Variants in ANTXR2 observed in about 807,000 individuals in gnomAD.
The protein encoded by ANTXR2 is anthrax toxin receptor 2.
Under a neutral mutation model 73.7 loss-of-function variants are expected in ANTXR2, and 44 were observed. The ratio of observed to expected loss-of-function variants is 0.60; its 90% CI spans 0.47 to 0.77. ANTXR2 has a LOEUF of 0.77. ANTXR2 is among the 30% of genes least tolerant of loss of function. The pLI, the probability that ANTXR2 is intolerant of heterozygous loss-of-function variation, is 0.00. For synonymous variants in ANTXR2, 217 were observed against 205.9 expected (o/e 1.05, Z -0.46); for missense variants, 604 against 592.5 (o/e 1.02, Z -0.20).
chr4:79,948,402 G>C (rs568877246), intron 16 of ANTXR2, among the ~76,000 whole-genome samples: 2 of 152,062 alleles, frequency 1.3e-5, no homozygotes, highest in Non-Finnish European at 1.5e-5. Context: ...AATACAACAC[G>C]TGTTACTCCA....
At chr4:79,957,318 A>G (rs1165542499) in intron 16 of ANTXR2, among the ~76,000 whole-genome samples, 2 of 152,104 alleles carry the variant, frequency 1.3e-5, no homozygotes, top group African/African-American at 4.8e-5. Flanking sequence ...ATAATTAATT[A>G]ATAGGTACAA....
At chr4:79,961,033 G>C (rs1729120761) in intron 16 of ANTXR2, among the ~76,000 whole-genome samples, 1 of 151,818 alleles carries the variant, frequency 6.6e-6, no homozygotes, top group African/African-American at 2.4e-5. Context: ...TTATAAATGG[G>C]GTTCTGGTAG....
intron 16 of ANTXR2, among the ~76,000 whole-genome samples, chr4:79,927,668 A>G (rs1164146146): frequency 6.6e-6 from 1 of 152,212 alleles, no homozygotes; most frequent in Non-Finnish European, 1.5e-5. Context: ...GATAAGAAGG[A>G]CTGTCTGTAT....
intron 12 of ANTXR2, among the ~76,000 whole-genome samples, chr4:80,004,955 C>A (rs1374754960): frequency 2.0e-5 from 3 of 151,796 alleles, no homozygotes; most frequent in Admixed American, 1.3e-4. Context: ...AAAAAAAAAA[C>A]CTGAGAATCT....
chr4:80,021,799 A>C (rs1257617958), intron 10 of ANTXR2, among the ~76,000 whole-genome samples: 4 of 152,144 alleles, frequency 2.6e-5, no homozygotes, highest in South Asian at 2.1e-4. Context: ...AATTCTCCGC[A>C]GATATAGAAA....
intron 16 of ANTXR2, among the ~76,000 whole-genome samples, chr4:79,956,781 G>A (rs10019300): frequency 0.36 from 54,218 of 151,546 alleles, 12,051 homozygotes; most frequent in Non-Finnish European, 0.47. Flanking sequence ...GCATGCGCGC[G>A]CACACACACA....
intron 16 of ANTXR2, among the ~76,000 whole-genome samples, chr4:79,972,927 A>AAAAAAAAAAAAAAAAAAAAAAAAAAAAG (rs1231503136): frequency 5.8e-5 from 1 of 17,136 alleles, no homozygotes; most frequent in African/African-American, 8.6e-5. Flanking sequence ...TAATAAAAAA[A>AAAAAAAAAAAAAAAAAAAAAAAAAAAAG]AAAAAAAAAA....
chr4:79,975,649 A>G (rs1301065543), intron 16 of ANTXR2, among the ~76,000 whole-genome samples: 1 of 152,194 alleles, frequency 6.6e-6, no homozygotes, highest in East Asian at 1.9e-4. Context: ...AACTAAGATG[A>G]TGCATGAAAA....
At chr4:80,041,742 G>A (rs140898231) in intron 7 of ANTXR2, among the ~76,000 whole-genome samples, 8 of 152,132 alleles carry the variant, frequency 5.3e-5, no homozygotes, top group African/African-American at 1.9e-4. Context: ...TCCTGCATTA[G>A]TTCGCTGAGG....
intron 12 of ANTXR2, among the ~76,000 whole-genome samples, chr4:79,989,529 T>A (rs1474267198): frequency 6.6e-6 from 1 of 152,118 alleles, no homozygotes; most frequent in African/African-American, 2.4e-5. Flanking sequence ...TGAGACAGAT[T>A]CATGGCTGAA....
intron 16 of ANTXR2, among the ~76,000 whole-genome samples, chr4:79,955,083 C>G (rs1162471107): frequency 6.6e-6 from 1 of 152,028 alleles, no homozygotes; most frequent in African/African-American, 2.4e-5. Context: ...TGACACAAGA[C>G]AGCAAAATAC....
intron 3 of ANTXR2, among the ~76,000 whole-genome samples, chr4:80,067,498 T>C (rs1379036458): frequency 2.0e-5 from 3 of 152,214 alleles, no homozygotes; most frequent in South Asian, 4.1e-4. Context: ...TTTTTCTATA[T>C]ATAGGAATGC....
chr4:80,051,359 C>T (rs1733767004), intron 7 of ANTXR2, among the ~76,000 whole-genome samples: 1 of 151,700 alleles, frequency 6.6e-6, no homozygotes, highest in African/African-American at 2.4e-5. Flanking sequence ...GAGAATATGT[C>T]TTATTCAAGT....
chr4:79,991,486 T>C (rs1730467115), intron 12 of ANTXR2, among the ~76,000 whole-genome samples: 1 of 152,192 alleles, frequency 6.6e-6, no homozygotes, highest in Non-Finnish European at 1.5e-5. Flanking sequence ...GAAAGGAGAA[T>C]GTTTATACAC....
intron 16 of ANTXR2, among the ~76,000 whole-genome samples, chr4:79,947,964 G>A (rs1240565672): frequency 1.3e-5 from 2 of 151,970 alleles, no homozygotes; most frequent in Admixed American, 6.6e-5. Context: ...TCTCCTTTTC[G>A]AGTAATACAA....
chr4:79,928,933 ACAT>A (rs1478807957), intron 16 of ANTXR2, among the ~76,000 whole-genome samples: 6 of 152,214 alleles, frequency 3.9e-5, no homozygotes, highest in Non-Finnish European at 7.3e-5. Flanking sequence ...TATTTTAGAA[ACAT>A]CATTATCCTA....
Position 79,978,022 on chromosome 4 carries a change from C to T in ANTXR2, c.1332G>A (p.Trp444Ter). The change falls in exon 15 of 17, where the codon TGG (tryptophan) becomes TGA (stop). Residue 444 changes from tryptophan (W) to a stop codon, truncating the protein, a stop_gained. Transcript: ENST00000403729. LOFTEE classifies it high-confidence loss of function. ...KPTHQPPQTK[W>*]YTPIKGRLDA... ...GGACACATACCTTAATTGGGGTGTA[C>T]CATTTTGTCTGAGGAGGCTGGTGTG... The T allele has an allele frequency of 6.3e-7, 1 of 1,599,368 alleles. No individual in the cohort carries two copies. The highest frequency in any genetic ancestry group is 8.5e-7 in the Non-Finnish European group (1 of 1,175,058).
At chr4:79,965,951 A>C (rs1369522052) in intron 16 of ANTXR2, among the ~76,000 whole-genome samples, 1 of 152,212 alleles carries the variant, frequency 6.6e-6, no homozygotes, top group African/African-American at 2.4e-5. Context: ...AATTGGTCTC[A>C]GTTCAACGTT....
At chr4:79,924,180 T>A (rs4276240) in intron 16 of ANTXR2, among the ~76,000 whole-genome samples, 73,072 of 151,962 alleles carry the variant, frequency 0.48, 17,833 homozygotes, top group Non-Finnish European at 0.52. Flanking sequence ...GTGTCTATTA[T>A]TTCTATCTTT....
Sources: gnomAD v4.1 joint callset for allele counts (sites outside exome capture counted in the v4.1 genomes callset) on GRCh38, gnomAD v4.1.1 for gene constraint, MANE v1.5 for transcripts, NCBI Gene and HGNC (gene_info 2026-07-23, HGNC 2026-07-21) for gene names.